Variants in CDK12 observed in about 807,000 individuals in gnomAD.
CDK12 encodes cyclin dependent kinase 12.
Under a neutral mutation model 133.8 loss-of-function variants are expected in CDK12, and 17 were observed. The observed-to-expected ratio is 0.13, with a 90% CI of 0.09 to 0.19. The LOEUF (loss-of-function observed/expected upper bound fraction) is 0.19, where lower values mean the gene tolerates loss of function less well. Among genes scored for constraint, CDK12 ranks in the 10% least tolerant of loss-of-function variants. CDK12 has a pLI of 1.00. For synonymous variants in CDK12, 694 were observed against 683.6 expected (o/e 1.02, Z -0.24); for missense variants, 1,508 against 1,818.7 (o/e 0.83, Z 3.11).
chr17:39,513,276 A>G (rs565801568), intron 8 of CDK12, among the ~76,000 whole-genome samples: 1 of 152,180 alleles, frequency 6.6e-6, no homozygotes, highest in Admixed American at 6.6e-5. Flanking sequence ...ATTCTGACAT[A>G]TATACTTCCC....
In CDK12 at chr17:39,532,136, C is replaced by G. The variant is rs982542166; in HGVS notation, c.*820C>G. 15 of 227,118 alleles carry G rather than the reference C, an allele frequency of 6.6e-5. No homozygotes were observed. Among genetic ancestry groups the G allele is most frequent in the Middle Eastern group, 1.3e-3 (1 of 794 alleles). The allele number at this position is 227,118 out of a possible 1,614,324, so 14.1% of individuals were successfully genotyped here. A position where few individuals can be genotyped will look rare whatever the true frequency, so the allele number is the denominator to read the frequency against. On this transcript the variant is annotated 3_prime_UTR_variant, in exon 14 of 14. Transcript: ENST00000447079. ...TCTCTCTCTCTCTCTCTCTCTCTCT[C>G]TCTCTCTGTCTCGCTTGCTCGCTCT...
intron 13 of CDK12, among the ~76,000 whole-genome samples, chr17:39,529,725 C>A (rs1020808495): frequency 2.2e-4 from 34 of 151,990 alleles, no homozygotes; most frequent in African/African-American, 8.0e-4. Flanking sequence ...GGAAGTAGTT[C>A]AAGAAAGACA....
intron 10 of CDK12, among the ~76,000 whole-genome samples, chr17:39,519,280 T>C (rs1372948237): frequency 6.6e-6 from 1 of 151,096 alleles, no homozygotes; most frequent in East Asian, 1.9e-4. Flanking sequence ...TCTTTGGTTT[T>C]ACATGGAAAT....
chr17:39,544,858 G>A (rs1178876301), upstream of CDK12, among the ~76,000 whole-genome samples: 1 of 151,970 alleles, frequency 6.6e-6, no homozygotes, highest in Non-Finnish European at 1.5e-5. Context: ...TCCAACTCCC[G>A]ACCTCAGGTA....
rs768297198 is a variant in CDK12, at chr17:39,519,945, C to G, written c.2964-11C>G. ...ATTGTGAACTTGTCCTTTCTGTGTT[C>G]TTTTCCATAGCATTCCTTCTGCAGC... On this transcript the variant is annotated splice_polypyrimidine_tract_variant and intron_variant, in intron 10 of 13. Coordinates refer to ENST00000447079, the MANE Select transcript of CDK12 (RefSeq NM_016507.4). 1 of 1,613,506 alleles carries G rather than the reference C, an allele frequency of 6.2e-7. No homozygotes were observed.
chr17:39,468,694 C>T (rs567164410), intron 1 of CDK12, among the ~76,000 whole-genome samples: 64 of 151,940 alleles, frequency 4.2e-4, no homozygotes, highest in Admixed American at 1.4e-3. Flanking sequence ...AGGCTGGTCT[C>T]GAACTCCCGA....
chr17:39,518,841 A>G (rs2053979500), intron 10 of CDK12, among the ~76,000 whole-genome samples: 1 of 151,500 alleles, frequency 6.6e-6, no homozygotes, highest in African/African-American at 2.4e-5. Flanking sequence ...TTATAGGTGT[A>G]AGCCCACCAC....
downstream of CDK12, among the ~76,000 whole-genome samples, chr17:39,565,456 G>A (rs1441897290): frequency 2.9e-5 from 4 of 136,654 alleles, no homozygotes; most frequent in Admixed American, 1.5e-4. Flanking sequence ...TAAAAAAAAC[G>A]GAGTTTCGCT....
At chr17:39,506,004 A>G (rs2053094054) in intron 6 of CDK12, among the ~76,000 whole-genome samples, 1 of 152,108 alleles carries the variant, frequency 6.6e-6, no homozygotes, top group African/African-American at 2.4e-5. Flanking sequence ...TAATTTTTTC[A>G]CTGAAAAAGG....
chr17:39,542,248 G>T (rs8080057), intron 1 of CDK12, among the ~76,000 whole-genome samples: 4,870 of 150,582 alleles, frequency 0.032, 268 homozygotes, highest in African/African-American at 0.11. Flanking sequence ...GTGCAATGGC[G>T]CGATCTCGGC....
upstream of CDK12, chr17:39,550,077 G>C (rs1033901448): frequency 6.6e-6 from 1 of 152,018 alleles, no homozygotes; most frequent in African/African-American, 2.4e-5. Context: ...TGAGGGGGTG[G>C]AGAGACCAAG....
chr17:39,470,996 G>T lies in CDK12; in HGVS notation c.1164G>T (p.Arg388Ser). ...RSRHSSISPV[R>S]LPLNSSLGAE... ...GTCATTCCAGTATCTCACCTGTCAG[G>T]CTTCCACTTAATTCCAGTCTGGGAG... Residue 388 changes from arginine to serine, a missense_variant, in exon 2 of 14, where the codon AGG becomes AGT. Physicochemically the swap from Arg to Ser is moderately radical, Grantham distance 110 (BLOSUM62 -1). Transcript: ENST00000447079. The T allele has an allele frequency of 6.2e-7, 1 of 1,614,130 alleles. No homozygotes were observed. The highest frequency in any genetic ancestry group is 8.5e-7 in the Non-Finnish European group (1 of 1,180,028).
chr17:39,564,018 C>G (rs1172404356), intron 3 of CDK12, among the ~76,000 whole-genome samples: 1 of 152,244 alleles, frequency 6.6e-6, no homozygotes, highest in African/African-American at 2.4e-5. Context: ...ACCCTGTCCT[C>G]TCATTCTCTC....
intron 3 of CDK12, among the ~76,000 whole-genome samples, 144 bp from the exon 4 acceptor site, chr17:39,492,597 GACGGGGTTTC>G (rs2145871019): frequency 6.7e-6 from 1 of 150,126 alleles, no homozygotes; most frequent in Admixed American, 6.7e-5. Context: ...TTTTAGTAAA[GACGGGGTTTC>G]ACCATGTTAG....
intron 8 of CDK12, among the ~76,000 whole-genome samples, chr17:39,511,842 AC>A (rs1297196260): frequency 7.2e-5 from 11 of 151,844 alleles, no homozygotes; most frequent in African/African-American, 2.2e-4. Context: ...TTTTGTTTAA[AC>A]TTTGTTTGAA....
chr17:39,554,803 C>T lies in CDK12; in HGVS notation n.357-1483C>T, dbSNP rs546188374. ...CTGAGGCAGGAGAATCGCTTGAGCCCGGGAGGCAGAGGTTGCAGTGATCTC... is the reference window on the plus strand; with the variant it reads ...CTGAGGCAGGAGAATCGCTTGAGCCTGGGAGGCAGAGGTTGCAGTGATCTC... On this transcript the variant is annotated intron_variant and non_coding_transcript_variant, in intron 2 of 3. Transcript: ENST00000558240. Among the ~76,000 whole-genome samples the T allele has an allele frequency of 3.1e-3, 466 of 151,118 alleles. 1 individual carries two copies. The highest frequency in any genetic ancestry group is 9.5e-3 in the African/African-American group (389 of 41,078).
downstream of CDK12, among the ~76,000 whole-genome samples, chr17:39,565,394 G>A (rs997066247): frequency 3.0e-4 from 45 of 150,586 alleles, no homozygotes; most frequent in African/African-American, 1.0e-3. Context: ...GATTACAGGC[G>A]TGAGCCACCG....
At position 39,519,527 on chromosome 17, in the gene CDK12, C is replaced by T. The variant is rs78934555; in HGVS notation, c.2964-429C>T. ...AACTCCTGGCCTCAAACGATCCACC[C>T]GCTTCAGCCTCCCAAAGTGCTGTGT... is the stretch of plus-strand genomic sequence containing the variant. On this transcript the variant is annotated intron_variant, in intron 10 of 13. Transcript: ENST00000447079. Among the ~76,000 whole-genome samples, 945 of 151,674 alleles carry T rather than the reference C, an allele frequency of 6.2e-3. 17 individuals are homozygous for T. The highest frequency in any genetic ancestry group is 0.022 in the African/African-American group (911 of 41,334).
intron 2 of CDK12, among the ~76,000 whole-genome samples, chr17:39,481,798 G>A (rs556233662): frequency 1.3e-5 from 2 of 150,812 alleles, no homozygotes; most frequent in Admixed American, 6.7e-5. Context: ...TCGGCACACT[G>A]CAACCTCCGC....
Sources: allele counts gnomAD v4.1 joint callset (sites outside exome capture counted in the v4.1 genomes callset), GRCh38; gene constraint gnomAD v4.1.1; transcripts MANE v1.5; gene names NCBI Gene and HGNC (gene_info 2026-07-23, HGNC 2026-07-21).